DENND1A: variants seen among roughly 807,000 people sequenced by gnomAD.
The protein encoded by DENND1A is DENN domain containing 1A, also known as DENN domain-containing protein 1A.
DENND1A carries 51 observed loss-of-function variants against 113.7 expected under a neutral mutation model. That is an observed-to-expected ratio of 0.45 (90% confidence interval 0.36 to 0.57). The LOEUF (loss-of-function observed/expected upper bound fraction) is 0.57, where lower values mean the gene tolerates loss of function less well. DENND1A is among the 20% of genes least tolerant of loss of function. The pLI is 0.00. For missense variants in DENND1A, 1,258 were observed against 1,395.9 expected (o/e 0.90, Z 1.57); for synonymous variants, 565 against 570.8 (o/e 0.99, Z 0.14).
At chr9:123,791,133 T>C (rs1832933654) in intron 3 of DENND1A, among the ~76,000 whole-genome samples, 1 of 152,160 alleles carries the variant, frequency 6.6e-6, no homozygotes. Context: ...GTTTCTCCTA[T>C]AAAATTCCCT....
At chr9:123,667,506 A>G (rs1242434490) in intron 7 of DENND1A, among the ~76,000 whole-genome samples, 2 of 152,066 alleles carry the variant, frequency 1.3e-5, no homozygotes, top group Non-Finnish European at 2.9e-5. Flanking sequence ...AATCCCAGAC[A>G]CTCGGGAAGC....
intron 5 of DENND1A, among the ~76,000 whole-genome samples, chr9:123,721,945 G>C (rs2067372011): frequency 6.6e-6 from 1 of 152,222 alleles, no homozygotes; most frequent in Non-Finnish European, 1.5e-5. Context: ...AGTGACTTTG[G>C]AACTGGGTAA....
intron 5 of DENND1A, among the ~76,000 whole-genome samples, chr9:123,715,817 GA>G (rs1413240135): frequency 1.3e-5 from 2 of 152,176 alleles, no homozygotes; most frequent in South Asian, 4.2e-4. Context: ...GCTGGGACGA[GA>G]GGCGGCGCCA....
chr9:123,430,471 A>G (rs1160597045), intron 19 of DENND1A, among the ~76,000 whole-genome samples: 1 of 152,154 alleles, frequency 6.6e-6, no homozygotes, highest in Non-Finnish European at 1.5e-5. Flanking sequence ...GAAAATGTAC[A>G]CCATGGAATA....
chr9:123,848,228 TA>T (rs375535777), intron 2 of DENND1A, among the ~76,000 whole-genome samples: 1,645 of 60,482 alleles, frequency 0.027, 14 homozygotes, highest in African/African-American at 0.072. Context: ...GATACTGCTT[TA>T]AAAAAAAAAA....
intron 3 of DENND1A, among the ~76,000 whole-genome samples, chr9:123,788,897 GA>G (rs1832589234): frequency 6.6e-6 from 1 of 151,936 alleles, no homozygotes; most frequent in South Asian, 2.1e-4. Context: ...TAGAATTTAA[GA>G]AAATTTCATA....
intron 5 of DENND1A, among the ~76,000 whole-genome samples, chr9:123,699,697 T>C (rs761398159): frequency 0.026 from 3,767 of 146,976 alleles, 64 homozygotes; most frequent in Middle Eastern, 0.031. Context: ...TCTTTTTTTT[T>C]TTTTTTTTTT....
intron 13 of DENND1A, among the ~76,000 whole-genome samples, chr9:123,550,916 C>T (rs1488268309): frequency 6.6e-6 from 1 of 152,152 alleles, no homozygotes; most frequent in Non-Finnish European, 1.5e-5. Flanking sequence ...CCAAAAAGGA[C>T]CCCAGCCCTA....
At chr9:123,915,030 C>T (rs1854834216) in intron 1 of DENND1A, among the ~76,000 whole-genome samples, 1 of 152,148 alleles carries the variant, frequency 6.6e-6, no homozygotes, top group African/African-American at 2.4e-5. Context: ...CCAAGGCCCC[C>T]ACAAAGGCTG....
chr9:123,482,953 G>A (rs560447224), intron 13 of DENND1A, among the ~76,000 whole-genome samples: 4 of 152,270 alleles, frequency 2.6e-5, no homozygotes, highest in East Asian at 1.9e-4. Flanking sequence ...AAGCAACAGG[G>A]AACCCTAAAA....
intron 21 of DENND1A, chr9:123,402,683 G>A (rs1030092907): frequency 1.7e-5 from 9 of 518,356 alleles, no homozygotes; most frequent in East Asian, 1.7e-4. Flanking sequence ...CTCCTTTTGC[G>A]GACAAAGGGA....
chr9:123,615,904 C>T (rs1446745704), intron 10 of DENND1A, among the ~76,000 whole-genome samples: 2 of 152,176 alleles, frequency 1.3e-5, no homozygotes, highest in African/African-American at 4.8e-5. Context: ...TCATTTAATC[C>T]TCAAATAATC....
chr9:123,753,251 G>T (rs906378839), intron 5 of DENND1A, among the ~76,000 whole-genome samples: 5 of 152,154 alleles, frequency 3.3e-5, no homozygotes, highest in South Asian at 2.1e-4. Context: ...ATAAACTTTG[G>T]ATGTATTTGT....
intron 2 of DENND1A, among the ~76,000 whole-genome samples, chr9:123,836,428 G>C (rs1470318087): frequency 1.3e-5 from 2 of 151,966 alleles, no homozygotes; most frequent in Admixed American, 1.3e-4. Context: ...CTTAATATGA[G>C]AGAAAAAGTA....
At chr9:123,517,627 A>C (rs2054049636) in intron 13 of DENND1A, among the ~76,000 whole-genome samples, 1 of 152,166 alleles carries the variant, frequency 6.6e-6, no homozygotes, top group South Asian at 2.1e-4. Context: ...TCAAAAAAAC[A>C]ACAGCAAAAC....
chr9:123,480,615 T>C (rs1588739342), intron 13 of DENND1A, among the ~76,000 whole-genome samples: 1 of 152,270 alleles, frequency 6.6e-6, no homozygotes, highest in South Asian at 2.1e-4. Context: ...TAGCCATCCC[T>C]CTTGGGGTCT....
intron 21 of DENND1A, among the ~76,000 whole-genome samples, chr9:123,391,153 T>C (rs948396669): frequency 6.6e-6 from 1 of 152,220 alleles, no homozygotes; most frequent in Non-Finnish European, 1.5e-5. Context: ...GGAACCGCAG[T>C]TTCCAGTTCA....
rs542156391 is a variant in DENND1A, at chr9:123,622,825, T to C, written c.719+7551A>G. Among the ~76,000 whole-genome samples, 10 of 152,350 alleles carry C rather than the reference T, an allele frequency of 6.6e-5. No homozygotes were observed. In the East Asian group the frequency reaches 1.9e-3, roughly 29 times the overall value. On this transcript the variant is annotated intron_variant, in intron 10 of 23. Coordinates refer to ENST00000394215, the MANE Select transcript of DENND1A (RefSeq NM_001352964.2). ...CACAGTACTCAATAGATGGTGATTA[T>C]TATGAAAGGGAATGCTGATTCTCAT...
intron 6 of DENND1A, among the ~76,000 whole-genome samples, chr9:123,674,342 T>TCTCTCTCTCACACA (rs36033303): frequency 7.6e-6 from 1 of 132,300 alleles, no homozygotes; most frequent in African/African-American, 2.9e-5. Flanking sequence ...TGTCTCTCTC[T>TCTCTCTCTCACACA]CACACACACA....
Sources: gnomAD v4.1 joint callset for allele counts (sites outside exome capture counted in the v4.1 genomes callset) on GRCh38, gnomAD v4.1.1 for gene constraint, MANE v1.5 for transcripts, NCBI Gene and HGNC (gene_info 2026-07-23, HGNC 2026-07-21) for gene names.